The following SH3BGRL2 variants were observed in gnomAD, a reference collection of about 807,000 sequenced individuals.
SH3BGRL2 encodes the protein SH3 domain binding glutamate rich protein like 2.
SH3BGRL2 carries 21 observed loss-of-function variants against 14.8 expected under a neutral mutation model. That is an observed-to-expected ratio of 1.42 (90% CI 1.01 to 2.05). SH3BGRL2 has a LOEUF of 2.05. SH3BGRL2 is among the 30% of genes most tolerant of loss of function. The pLI is 0.00. For missense variants in SH3BGRL2, 147 were observed against 130.8 expected (o/e 1.12, Z -0.61); for synonymous variants, 50 against 47.8 (o/e 1.05, Z -0.19).
At chr6:79,666,495 C>A (rs1769662522) in intron 1 of SH3BGRL2, among the ~76,000 whole-genome samples, 1 of 152,130 alleles carries the variant, frequency 6.6e-6, no homozygotes, top group Non-Finnish European at 1.5e-5. Context: ...ACAGCATAAT[C>A]CCTAATAAGG....
chr6:79,673,819 TC>T lies in SH3BGRL2; in HGVS notation c.231+21del. On this transcript the variant is annotated intron_variant, in intron 2 of 3. Coordinates refer to ENST00000369838, the MANE Select transcript of SH3BGRL2 (RefSeq NM_031469.4). ...TGTGGAGTAAGTGGCTAGACTGTTATCATGCTGTTTCTTTTTATTGTTCAGA... is the reference window on the plus strand; with the variant it reads ...TGTGGAGTAAGTGGCTAGACTGTTATATGCTGTTTCTTTTTATTGTTCAGA... The T allele has an allele frequency of 6.2e-7, 1 of 1,602,848 alleles. No individual in the cohort carries two copies. The highest frequency in any genetic ancestry group is 8.5e-7 in the Non-Finnish European group (1 of 1,174,122).
At chr6:79,582,561 G>A in the SH3BGRL2 span, among the ~76,000 whole-genome samples, 1 of 152,200 alleles carries the variant, frequency 6.6e-6, no homozygotes, top group Admixed American at 6.5e-5. Flanking sequence ...AATAAGTGGT[G>A]CTGGAAAAAC....
At chr6:79,634,515 A>G (rs1355597676) in intron 1 of SH3BGRL2, among the ~76,000 whole-genome samples, 3 of 152,240 alleles carry the variant, frequency 2.0e-5, no homozygotes, top group African/African-American at 7.2e-5. Context: ...TTGTCCAGGA[A>G]ATATGTGAAT....
At chr6:79,675,193 C>T (rs1044579920) in intron 2 of SH3BGRL2, among the ~76,000 whole-genome samples, 8 of 152,128 alleles carry the variant, frequency 5.3e-5, no homozygotes, top group Non-Finnish European at 7.4e-5. Context: ...TTCTGTCCCT[C>T]GGACTTCGAG....
the SH3BGRL2 span, among the ~76,000 whole-genome samples, chr6:79,613,969 G>T: frequency 2.5e-4 from 38 of 152,198 alleles, no homozygotes; most frequent in African/African-American, 8.4e-4. Context: ...CCTGAAGGAA[G>T]GTGAGTTTGG....
At chr6:79,651,179 T>C (rs1462840919) in intron 1 of SH3BGRL2, among the ~76,000 whole-genome samples, 1 of 152,140 alleles carries the variant, frequency 6.6e-6, no homozygotes, top group Non-Finnish European at 1.5e-5. Flanking sequence ...AGTCCTGCAA[T>C]TCTTGTCTAT....
At chr6:79,606,096 C>G in the SH3BGRL2 span, among the ~76,000 whole-genome samples, 1 of 152,122 alleles carries the variant, frequency 6.6e-6, no homozygotes, top group Non-Finnish European at 1.5e-5. Context: ...CAAAAAGGCT[C>G]TTTCTAGAGA....
At chr6:79,545,870 A>T in the SH3BGRL2 span, among the ~76,000 whole-genome samples, 1 of 152,198 alleles carries the variant, frequency 6.6e-6, no homozygotes, top group Non-Finnish European at 1.5e-5. Flanking sequence ...AAACAACAAC[A>T]ACAAAGGGCA....
chr6:79,651,602 C>CAA (rs10645507), intron 1 of SH3BGRL2, among the ~76,000 whole-genome samples: 2 of 151,702 alleles, frequency 1.3e-5, no homozygotes. Context: ...TTACATCAAA[C>CAA]GGGAATAAAT....
At chr6:79,586,397 T>C in the SH3BGRL2 span, among the ~76,000 whole-genome samples, 6 of 152,136 alleles carry the variant, frequency 3.9e-5, 2 homozygotes, top group South Asian at 1.2e-3. Flanking sequence ...CCATTTATTT[T>C]GAAAATTATT....
rs377558807 is a variant in SH3BGRL2, at chr6:79,631,451, G to T, written c.-11G>T. On this transcript the variant is annotated 5_prime_UTR_variant, in exon 1 of 4. Transcript: ENST00000369838. The stretch of plus-strand genomic sequence containing the variant: ...GGGGGGCAAGGGGTCTGTCCCGGGC[G>T]CAGCGAGAGGATGGTCATCCGCGTG... 6.6e-7 allele frequency: 1 copy of T among 1,518,572 alleles called. No homozygotes were observed. Among genetic ancestry groups the T allele is most frequent in the Non-Finnish European group, 8.8e-7 (1 of 1,132,824 alleles). 94.1% of individuals were successfully genotyped at this position (1,518,572 alleles called of 1,614,324 possible).
the SH3BGRL2 span, among the ~76,000 whole-genome samples, chr6:79,593,698 C>G: frequency 6.6e-6 from 1 of 152,090 alleles, no homozygotes; most frequent in South Asian, 2.1e-4. Flanking sequence ...TTCATGGAAG[C>G]TGTGTGTTCT....
At chr6:79,597,306 AAAG>A in the SH3BGRL2 span, among the ~76,000 whole-genome samples, 1 of 148,382 alleles carries the variant, frequency 6.7e-6, no homozygotes, top group Non-Finnish European at 1.5e-5. Context: ...AAGAGAGAGA[AAAG>A]AAAGAAAGAG....
At chr6:79,564,375 T>A in the SH3BGRL2 span, among the ~76,000 whole-genome samples, 1 of 149,088 alleles carries the variant, frequency 6.7e-6, no homozygotes, top group Non-Finnish European at 1.5e-5. Flanking sequence ...TATTTTATTC[T>A]ATTTTTAGAT....
the SH3BGRL2 span, among the ~76,000 whole-genome samples, chr6:79,558,359 C>T: frequency 6.6e-6 from 1 of 152,190 alleles, no homozygotes; most frequent in Admixed American, 6.5e-5. Context: ...CATTGGATAG[C>T]ACTAGATCCT....
At chr6:79,645,545 CT>C (rs1769124415) in intron 1 of SH3BGRL2, among the ~76,000 whole-genome samples, 1 of 152,136 alleles carries the variant, frequency 6.6e-6, no homozygotes, top group African/African-American at 2.4e-5. Context: ...ATTTTCCCAA[CT>C]CTGAGCCATT....
the SH3BGRL2 span, among the ~76,000 whole-genome samples, chr6:79,586,283 T>TTAGTGTA: frequency 6.8e-6 from 1 of 146,354 alleles, no homozygotes; most frequent in South Asian, 2.2e-4. Context: ...ATTGTTAATG[T>TTAGTGTA]TAGTGTATTT....
chr6:79,657,534 T>G (rs927750605), intron 1 of SH3BGRL2, among the ~76,000 whole-genome samples: 3 of 152,132 alleles, frequency 2.0e-5, no homozygotes, highest in African/African-American at 7.2e-5. Flanking sequence ...GAACAGGTAA[T>G]TATGGAATTA....
the SH3BGRL2 span, among the ~76,000 whole-genome samples, chr6:79,539,351 A>G: frequency 6.6e-6 from 1 of 152,244 alleles, no homozygotes; most frequent in Admixed American, 6.5e-5. Flanking sequence ...AGTACCACAC[A>G]GGATTCTGCT....
Sources: gnomAD v4.1 joint callset for allele counts (sites outside exome capture counted in the v4.1 genomes callset) on GRCh38, gnomAD v4.1.1 for gene constraint, MANE v1.5 for transcripts, NCBI Gene and HGNC (gene_info 2026-07-23, HGNC 2026-07-21) for gene names.